UTS2: variants seen among roughly 807,000 people sequenced by gnomAD.
UTS2 encodes the protein urotensin-2.
A neutral mutation model predicts 12.6 loss-of-function variants in UTS2; 10 were observed. The ratio of observed to expected loss-of-function variants is 0.80; its 90% CI spans 0.49 to 1.35. The LOEUF (loss-of-function observed/expected upper bound fraction) is 1.35, where lower values mean the gene tolerates loss of function less well. Among genes scored for constraint, UTS2 ranks in the 40% most tolerant of loss-of-function variants. UTS2 has a pLI of 0.00. For synonymous variants in UTS2, 52 were observed against 50.0 expected, an observed-to-expected ratio of 1.04 and a Z score of -0.17; for missense variants, 142 against 143.2, an observed-to-expected ratio of 0.99 and a Z score of 0.04.
chr1:7,857,649 T>G (rs1027752873), upstream of UTS2, among the ~76,000 whole-genome samples: 4 of 151,994 alleles, frequency 2.6e-5, no homozygotes, highest in African/African-American at 7.3e-5. Flanking sequence ...CCCAGGAGTT[T>G]GAGACAAGCC....
At chr1:7,891,592 G>GA in the UTS2 span, among the ~76,000 whole-genome samples, 1 of 148,280 alleles carries the variant, frequency 6.7e-6, no homozygotes, top group East Asian at 2.0e-4. Flanking sequence ...AAGAAAGAAA[G>GA]AAAGAAAATT....
chr1:7,900,868 A>G, the UTS2 span, among the ~76,000 whole-genome samples: 1 of 152,182 alleles, frequency 6.6e-6, no homozygotes, highest in Admixed American at 6.5e-5. Context: ...CTGGCCTCAC[A>G]GAATACCTAG....
chr1:7,891,536 A>AAAAAG, the UTS2 span, among the ~76,000 whole-genome samples: 1 of 109,820 alleles, frequency 9.1e-6, no homozygotes, highest in Non-Finnish European at 1.8e-5. Context: ...AGAAAGAAAG[A>AAAAAG]AAAGAAAGAA....
At chr1:7,906,441 A>AAAAG in the UTS2 span, among the ~76,000 whole-genome samples, 7 of 138,480 alleles carry the variant, frequency 5.1e-5, no homozygotes, top group African/African-American at 1.9e-4. Context: ...GAAAGAAAGA[A>AAAAG]AGAAAAAGAG....
At chr1:7,868,524 G>A in the UTS2 span, among the ~76,000 whole-genome samples, 1 of 152,178 alleles carries the variant, frequency 6.6e-6, no homozygotes, top group Non-Finnish European at 1.5e-5. Flanking sequence ...GGACTGTGGG[G>A]GCAATGAGGA....
chr1:7,883,073 A>T, the UTS2 span, among the ~76,000 whole-genome samples: 2 of 152,228 alleles, frequency 1.3e-5, no homozygotes, highest in African/African-American at 4.8e-5. Context: ...TCAAAGCTAT[A>T]TCTGCACTCC....
At chr1:7,870,381 CT>C in the UTS2 span, among the ~76,000 whole-genome samples, 3 of 152,200 alleles carry the variant, frequency 2.0e-5, no homozygotes, top group South Asian at 2.1e-4. Flanking sequence ...TGATCTTGGA[CT>C]TCCAGCCTCC....
the UTS2 span, among the ~76,000 whole-genome samples, chr1:7,893,927 C>A: frequency 1.3e-5 from 2 of 152,296 alleles, no homozygotes; most frequent in South Asian, 4.1e-4. Context: ...TCTTCTTTGT[C>A]TAAAAACCGT....
the UTS2 span, among the ~76,000 whole-genome samples, chr1:7,910,933 AG>A: frequency 1.3e-5 from 2 of 152,008 alleles, no homozygotes; most frequent in Non-Finnish European, 2.9e-5. Context: ...GTGGTGACAT[AG>A]GCCTCATTAA....
At chr1:7,880,510 G>C in the UTS2 span, among the ~76,000 whole-genome samples, 1 of 152,008 alleles carries the variant, frequency 6.6e-6, no homozygotes, top group African/African-American at 2.4e-5. Context: ...GAAATACAAA[G>C]GATCATTGGA....
At chr1:7,878,382 G>A in the UTS2 span, among the ~76,000 whole-genome samples, 8 of 152,108 alleles carry the variant, frequency 5.3e-5, no homozygotes, top group Admixed American at 5.2e-4. Flanking sequence ...ATGAGAAAAA[G>A]AAAGTACTCA....
rs984318046 is a variant in UTS2 at position 7,853,007 on chromosome 1, C to T, written c.-4G>A. The T allele has an allele frequency of 1.9e-6, 3 of 1,610,362 alleles. No individual in the cohort carries two copies. The highest frequency in any genetic ancestry group is 1.1e-5 in the South Asian group (1 of 90,214). On this transcript the variant is annotated 5_prime_UTR_variant, in exon 1 of 4. Coordinates refer to ENST00000361696, the MANE Select transcript of UTS2 (RefSeq NM_006786.4). Reference sequence around the variant, plus strand: ...AGCAGGAGGCCAGCTTATACATGATCGCCACAAGATAGACGGCTTCCTTCT... The same window carrying T: ...AGCAGGAGGCCAGCTTATACATGATTGCCACAAGATAGACGGCTTCCTTCT...
chr1:7,893,023 G>C, the UTS2 span, among the ~76,000 whole-genome samples: 1 of 152,178 alleles, frequency 6.6e-6, no homozygotes, highest in East Asian at 1.9e-4. Context: ...CAGAGAAGAG[G>C]CTATGCTTTC....
chr1:7,895,149 A>G, the UTS2 span, among the ~76,000 whole-genome samples: 1 of 152,152 alleles, frequency 6.6e-6, no homozygotes, highest in Admixed American at 6.6e-5. Context: ...TGGGTGGATC[A>G]CTTGAGGCCA....
chr1:7,903,012 T>C, the UTS2 span, among the ~76,000 whole-genome samples: 83,577 of 101,830 alleles, frequency 0.82, 34,958 homozygotes, highest in East Asian at 0.95. Flanking sequence ...TCCTTCCCTC[T>C]TCCCCTCCTT....
chr1:7,884,181 G>A, the UTS2 span, among the ~76,000 whole-genome samples: 23 of 152,060 alleles, frequency 1.5e-4, no homozygotes, highest in Admixed American at 1.2e-3. Context: ...TTTTTTCATT[G>A]ATGTATCTTT....
upstream of UTS2, among the ~76,000 whole-genome samples, chr1:7,854,067 C>T (rs906730046): frequency 6.6e-5 from 10 of 152,084 alleles, no homozygotes; most frequent in Non-Finnish European, 8.8e-5. Flanking sequence ...CTGTCTCGGC[C>T]GGGTGCAGTG....
upstream of UTS2, among the ~76,000 whole-genome samples, chr1:7,856,818 T>TG (rs144079279): frequency 0.11 from 17,363 of 152,072 alleles, 1,292 homozygotes; most frequent in South Asian, 0.21. Context: ...CCCAGCACTT[T>TG]GGGGGGCCGA....
chr1:7,901,748 G>C, the UTS2 span, among the ~76,000 whole-genome samples: 1 of 152,040 alleles, frequency 6.6e-6, no homozygotes, highest in Non-Finnish European at 1.5e-5. Context: ...CTTCGTGGAG[G>C]AGATGGTTCA....
Sources: gnomAD v4.1 joint callset for allele counts (sites outside exome capture counted in the v4.1 genomes callset) on GRCh38, gnomAD v4.1.1 for gene constraint, MANE v1.5 for transcripts, NCBI Gene and HGNC (gene_info 2026-07-23, HGNC 2026-07-21) for gene names.